The following CEP72 variants were observed in gnomAD, a reference collection of about 807,000 sequenced individuals.
The protein encoded by CEP72 is centrosomal protein of 72 kDa.
CEP72 carries 78 observed loss-of-function variants against 65.7 expected under a neutral mutation model. That is an observed-to-expected ratio of 1.19 (90% CI 0.99 to 1.43). The LOEUF is 1.43. Ranked by LOEUF, CEP72 falls within the 40% of genes most tolerant of loss-of-function variation. CEP72 has a pLI of 0.00. For synonymous variants in CEP72, 358 were observed against 351.7 expected (o/e 1.02, Z -0.20); for missense variants, 914 against 832.9 (o/e 1.10, Z -1.20).
chr5:639,291 G>T (rs1346307405), intron 8 of CEP72, 67 bp downstream of exon 8: 27 of 1,496,966 alleles, frequency 1.8e-5, no homozygotes, highest in Non-Finnish European at 2.2e-5. Flanking sequence ...GGTCCTCTGC[G>T]TGTGGTGACC....
downstream of CEP72, chr5:655,338 G>A (rs945818662): frequency 6.6e-6 from 1 of 151,608 alleles, no homozygotes; most frequent in Non-Finnish European, 1.5e-5. The surrounding 1 kb of genome is among the most constrained non-coding windows in gnomAD (Gnocchi z 5.0). Flanking sequence ...CAGCCTAGAC[G>A]ACAGAGCAAG....
Position 665,433 on chromosome 5 carries a change from C to T in CEP72, n.433+108C>T. On this transcript the variant is annotated intron_variant and non_coding_transcript_variant, in intron 3 of 4. Coordinates refer to the CEP72 transcript ENST00000514507. ...GGCATAAACCCTGGGATTTATGCCCCTTTTAATTCTTATTTTTACCTCTCC... is the reference window on the plus strand; with the variant it reads ...GGCATAAACCCTGGGATTTATGCCCTTTTTAATTCTTATTTTTACCTCTCC... 7 of 782,842 alleles carry T rather than the reference C, an allele frequency of 8.9e-6. No individual in the cohort carries two copies. In the South Asian group the frequency reaches 1.3e-4, roughly 14 times the overall value. 48.5% of individuals were successfully genotyped at this position (782,842 alleles called of 1,614,324 possible). A position where few individuals can be genotyped will look rare whatever the true frequency, so the allele number is the denominator to read the frequency against.
At chr5:627,195 CTG>C (rs1463761052) in intron 4 of CEP72, among the ~76,000 whole-genome samples, 1 of 152,078 alleles carries the variant, frequency 6.6e-6, no homozygotes, top group African/African-American at 2.4e-5. Flanking sequence ...TACAGTTTGT[CTG>C]TTTTGGCAGA....
Position 635,487 on chromosome 5 carries a change from T to G in CEP72, c.807T>G (p.Pro269=). The G allele has an allele frequency of 6.2e-7, 1 of 1,614,112 alleles. No homozygotes were observed. Among genetic ancestry groups the G allele is most frequent in the Non-Finnish European group, 8.5e-7 (1 of 1,180,004 alleles). ...SCRGCCLEKM[P]WSQLCGELPP... is the part of the protein sequence containing the mutation. ...GAGGGTGCTGTCTGGAGAAGATGCC[T>G]TGGAGCCAGCTCTGTGGAGAGCTTC... Residue 269 remains proline (P), a synonymous_variant, in exon 6 of 12, where the codon CCT becomes CCG. Transcript: ENST00000264935.
chr5:653,848 C>A (rs1026004163), downstream of CEP72, among the ~76,000 whole-genome samples: 2 of 152,226 alleles, frequency 1.3e-5, no homozygotes, highest in African/African-American at 4.8e-5. Context: ...AACTTCATAT[C>A]TTATGTCATA....
chr5:635,483 T>G lies in CEP72; in HGVS notation c.803T>G (p.Met268Arg), dbSNP rs769460529. 6.2e-7 allele frequency: 1 copy of G among 1,614,160 alleles called. No homozygotes were observed. Residue 268 changes from methionine to arginine, a missense_variant, in exon 6 of 12, where the codon ATG (methionine) becomes AGG (arginine). Physicochemically the swap from Met to Arg is moderately conservative, Grantham distance 91. Coordinates refer to ENST00000264935, the MANE Select transcript of CEP72 (RefSeq NM_018140.4). The part of the protein sequence containing the change: ...SSCRGCCLEK[M>R]PWSQLCGELP... ...TGCAGAGGGTGCTGTCTGGAGAAGA[T>G]GCCTTGGAGCCAGCTCTGTGGAGAG... is the stretch of plus-strand genomic sequence containing the variant.
At chr5:649,357 GGACTGTGAGGTGT>G (rs1247399264) in intron 11 of CEP72, among the ~76,000 whole-genome samples, 1,509 of 45,564 alleles carry the variant, frequency 0.033, 156 homozygotes, top group Non-Finnish European at 0.047. Context: ...TGTGAGGCGT[GGACTGTGAGGTGT>G]GACTGTGAGG....
chr5:627,447 A>G (rs1366071076), intron 4 of CEP72, among the ~76,000 whole-genome samples: 2 of 152,086 alleles, frequency 1.3e-5, no homozygotes, highest in Non-Finnish European at 2.9e-5. Context: ...TGGCGTTTCC[A>G]CAGCTACCCT....
chr5:670,481 G>A (rs1449910552), downstream of CEP72, among the ~76,000 whole-genome samples: 13 of 152,192 alleles, frequency 8.5e-5, no homozygotes, highest in Non-Finnish European at 4.4e-5. Context: ...GCTCCCCCAG[G>A]GCACCAACCT....
At chr5:641,524 A>G (rs1738022437) in intron 9 of CEP72, 1 of 982,606 alleles carries the variant, frequency 1.0e-6, no homozygotes, top group African/African-American at 1.8e-5. Flanking sequence ...TCTTTAGAGA[A>G]GAAAAACACA....
intron 5 of CEP72, among the ~76,000 whole-genome samples, chr5:634,697 C>G (rs2126779815): frequency 6.6e-6 from 1 of 152,106 alleles, no homozygotes; most frequent in South Asian, 2.1e-4. Flanking sequence ...GTCTGCCCAC[C>G]TTTGTTCTGG....
In CEP72 at chr5:645,507, G is replaced by A. The variant is rs1738359740; in HGVS notation, c.1666+1082G>A. 6.6e-6 allele frequency among the ~76,000 whole-genome samples: 1 copy of A among 151,754 alleles called. No individual in the cohort carries two copies. Among genetic ancestry groups the A allele is most frequent in the Non-Finnish European group, 1.5e-5 (1 of 67,970 alleles). On this transcript the variant is annotated intron_variant, in intron 10 of 11. Transcript: ENST00000264935. This position sits in a 1 kb window ranked among gnomAD's most constrained non-coding sequence, Gnocchi z 4.0. ...CCCTGCCCGGGAGAACTGTGTGTGT[G>A]GTTTGCTCTCCCGGCTCTGTGGGCT...
chr5:675,148 C>CAGGGGTGCAATGTGGCG, the CEP72 span, among the ~76,000 whole-genome samples: 1 of 115,618 alleles, frequency 8.6e-6, no homozygotes. Flanking sequence ...GCAGTGTGGC[C>CAGGGGTGCAATGTGGCG]AGGGGTGCAG....
chr5:633,381 C>T (rs1324434572), intron 4 of CEP72, among the ~76,000 whole-genome samples: 5 of 119,812 alleles, frequency 4.2e-5, no homozygotes, highest in African/African-American at 1.4e-4. Flanking sequence ...GGGGTTCTGT[C>T]CAGTGCTGGA....
At chr5:657,235 T>G (rs556724441), downstream of CEP72, 5 of 152,352 alleles carry the variant, frequency 3.3e-5, no homozygotes, top group Non-Finnish European at 7.3e-5. Flanking sequence ...AAATAGTGGC[T>G]TCCTCACAGG....
chr5:673,078 C>T, the CEP72 span, among the ~76,000 whole-genome samples: 7 of 152,202 alleles, frequency 4.6e-5, no homozygotes, highest in South Asian at 4.1e-4. Flanking sequence ...GCCACTTCCT[C>T]ACGGTCCCCA....
At chr5:667,870 C>T (rs71585295), downstream of CEP72, among the ~76,000 whole-genome samples, 2 of 68,714 alleles carry the variant, frequency 2.9e-5, no homozygotes, top group African/African-American at 1.9e-4. Context: ...AGGGAAGTAC[C>T]GACAAGCACA....
chr5:639,840 T>G (rs79960163), intron 8 of CEP72, among the ~76,000 whole-genome samples: 2,379 of 152,096 alleles, frequency 0.016, 28 homozygotes, highest in Non-Finnish European at 0.026. Flanking sequence ...CCAGTGTGCT[T>G]CTCCCCGCAG....
At position 653,228 on chromosome 5, in the gene CEP72, T is replaced by C. The variant is rs2458815; in HGVS notation, c.*75T>C. The C allele has an allele frequency of 0.24, 324,622 of 1,372,204 alleles. 39,602 individuals are homozygous for C. The highest frequency in any genetic ancestry group is 0.4 in the East Asian group (16,136 of 40,478). The allele number at this position is 1,372,204 out of a possible 1,614,324, so 85.0% of individuals were successfully genotyped here. Reference sequence around the variant, plus strand: ...TTGTCTGCACCTTTGTACTTCTTTATTGAGTGTACTGGCTGGCAAGAGTTC... The same window carrying C: ...TTGTCTGCACCTTTGTACTTCTTTACTGAGTGTACTGGCTGGCAAGAGTTC... On this transcript the variant is annotated 3_prime_UTR_variant, in exon 12 of 12. Coordinates refer to ENST00000264935, the MANE Select transcript of CEP72 (RefSeq NM_018140.4).
Sources: allele counts gnomAD v4.1 joint callset (sites outside exome capture counted in the v4.1 genomes callset), GRCh38; gene constraint gnomAD v4.1.1; non-coding constraint Gnocchi (gnomAD v3.1); transcripts MANE v1.5; gene names NCBI Gene and HGNC (gene_info 2026-07-23, HGNC 2026-07-21).